The following DNAH9 variants were observed in gnomAD, a reference collection of about 807,000 sequenced individuals.
DNAH9 encodes the protein DNAH9 variant protein.
A neutral mutation model predicts 471.6 loss-of-function variants in DNAH9; 345 were observed. The observed-to-expected ratio is 0.73, with a 90% CI of 0.67 to 0.80. DNAH9 has a LOEUF of 0.80. Among genes scored for constraint, DNAH9 ranks in the 30% least tolerant of loss-of-function variants. DNAH9 has a pLI of 0.00. For synonymous variants in DNAH9, 2,093 were observed against 2,123.6 expected, an observed-to-expected ratio of 0.99 and a Z score of 0.40; for missense variants, 5,407 against 5,609.2, an observed-to-expected ratio of 0.96 and a Z score of 1.15.
chr17:11,959,506 T>C (rs2151449634), intron 67 of DNAH9, among the ~76,000 whole-genome samples: 1 of 152,306 alleles, frequency 6.6e-6, no homozygotes, highest in South Asian at 2.1e-4. Context: ...TGATTTGGGC[T>C]CAGAGATATA....
chr17:11,808,420 A>C (rs1035162413), intron 44 of DNAH9, among the ~76,000 whole-genome samples: 2 of 152,142 alleles, frequency 1.3e-5, no homozygotes, highest in African/African-American at 2.4e-5. Context: ...TGTTTTATCC[A>C]TGGCCACAAC....
At chr17:11,643,531 G>A (rs1452236187) in intron 10 of DNAH9, among the ~76,000 whole-genome samples, 2 of 152,204 alleles carry the variant, frequency 1.3e-5, no homozygotes, top group African/African-American at 2.4e-5. Flanking sequence ...ATGGGGTTAT[G>A]TTCTGAGAAA....
At chr17:11,668,253 T>C (rs1044619676) in intron 15 of DNAH9, among the ~76,000 whole-genome samples, 1 of 152,238 alleles carries the variant, frequency 6.6e-6, no homozygotes, top group Non-Finnish European at 1.5e-5. Flanking sequence ...TTTCTCTTTG[T>C]GGTTCATGTC....
intron 41 of DNAH9, among the ~76,000 whole-genome samples, chr17:11,792,993 C>T (rs889308872): frequency 6.6e-6 from 1 of 152,178 alleles, no homozygotes; most frequent in Non-Finnish European, 1.5e-5. Context: ...CCAATGCTGG[C>T]TTCAATAGCA....
chr17:11,636,871 G>A (rs1243613579), intron 9 of DNAH9, 87 bp downstream of exon 9: 2 of 1,233,434 alleles, frequency 1.6e-6, no homozygotes, highest in Non-Finnish European at 2.4e-6. Flanking sequence ...AAATGTCCAT[G>A]TATGGATCCA....
rs1597783157 is a variant in DNAH9 at position 11,880,333 on chromosome 17, A to G, written c.10601+133A>G. ...TCAAGTAGCTCCCTGCAGCACATCC[A>G]CCTTTCTTTCTTCCAGCAGAGGTCT... On this transcript the variant is annotated intron_variant, in intron 54 of 68. Coordinates refer to ENST00000262442, the MANE Select transcript of DNAH9 (RefSeq NM_001372.4). 5 of 1,150,136 alleles carry G rather than the reference A, an allele frequency of 4.3e-6. No homozygotes were observed. The East Asian group carries it at 1.3e-4, about 29-fold the overall frequency. 71.2% of individuals were successfully genotyped at this position (1,150,136 alleles called of 1,614,324 possible).
intron 1 of DNAH9, among the ~76,000 whole-genome samples, chr17:11,600,921 C>T (rs1192990004): frequency 1.3e-5 from 2 of 152,192 alleles, no homozygotes; most frequent in East Asian, 1.9e-4. Context: ...AGAACTGCCC[C>T]GTCCAGCATC....
Position 11,816,845 on chromosome 17 carries a change from T to C in DNAH9, c.8708-5075T>C, listed in dbSNP as rs142039123. On this transcript the variant is annotated intron_variant, in intron 45 of 68. Transcript: ENST00000262442. ...AGTACTGCATGAAGCCTGAAAGTAC[T>C]TGGAGTTACAAATAGTGTTTCCCAA... 4.8e-3 allele frequency among the ~76,000 whole-genome samples: 727 copies of C among 152,278 alleles called. 7 individuals carry two copies. The highest frequency in any genetic ancestry group is 5.9e-3 in the Non-Finnish European group (399 of 68,010).
At chr17:11,907,115 T>C (rs1269754321) in intron 61 of DNAH9, among the ~76,000 whole-genome samples, 3 of 152,180 alleles carry the variant, frequency 2.0e-5, no homozygotes, top group Admixed American at 1.3e-4. Flanking sequence ...TTTCATGCAG[T>C]GAAGCCTCCA....
intron 28 of DNAH9, among the ~76,000 whole-genome samples, chr17:11,730,679 G>A (rs147050628): frequency 6.6e-5 from 10 of 152,224 alleles, no homozygotes; most frequent in South Asian, 4.2e-4. Context: ...TATCTCTAAA[G>A]CACTGTTTTT....
chr17:11,671,876 AC>A (rs2073978220), intron 17 of DNAH9, among the ~76,000 whole-genome samples: 1 of 152,156 alleles, frequency 6.6e-6, no homozygotes, highest in South Asian at 2.1e-4. Flanking sequence ...AGGAGGCCTG[AC>A]TTTTGTGTCC....
intron 28 of DNAH9, among the ~76,000 whole-genome samples, chr17:11,729,238 A>C (rs1403011229): frequency 6.6e-6 from 1 of 152,070 alleles, no homozygotes; most frequent in African/African-American, 2.4e-5. Flanking sequence ...CCCCATCTCC[A>C]AGATAAAGCA....
At chr17:11,955,614 A>G (rs1208781163) in intron 67 of DNAH9, among the ~76,000 whole-genome samples, 1 of 152,226 alleles carries the variant, frequency 6.6e-6, no homozygotes, top group East Asian at 1.9e-4. Context: ...ACATATGGCT[A>G]AAATTTGTTA....
intron 26 of DNAH9, among the ~76,000 whole-genome samples, chr17:11,718,203 G>T (rs1467017570): frequency 6.6e-6 from 1 of 152,184 alleles, no homozygotes; most frequent in African/African-American, 2.4e-5. Flanking sequence ...CCCGTATCTG[G>T]CTTCTTTCAC....
intron 14 of DNAH9, among the ~76,000 whole-genome samples, chr17:11,655,354 GTGTGTGTGT>G (rs2073618689): frequency 0.057 from 65 of 1,132 alleles, no homozygotes; most frequent in Non-Finnish European, 0.24. Flanking sequence ...ATTCCATGGT[GTGTGTGTGT>G]GTGTGTGTGT....
At chr17:11,963,658 A>C (rs1976439701) in intron 68 of DNAH9, among the ~76,000 whole-genome samples, 1 of 145,694 alleles carries the variant, frequency 6.9e-6, no homozygotes, top group Non-Finnish European at 1.5e-5. Flanking sequence ...TAAGAGTTGA[A>C]ATTTTTTTTA....
rs1179528726 is a variant in DNAH9, at chr17:11,623,682, C to T, written c.1350+3901C>T. Among the ~76,000 whole-genome samples the T allele has an allele frequency of 6.6e-6, 1 of 152,118 alleles. No individual in the cohort carries two copies. Among genetic ancestry groups the T allele is most frequent in the Non-Finnish European group, 1.5e-5 (1 of 68,020 alleles). ...TGAAATGGGATTAATCTGCTCCTCTCCAGTAAGAATTATCATGAACTTAGC... is the reference window on the plus strand; with the variant it reads ...TGAAATGGGATTAATCTGCTCCTCTTCAGTAAGAATTATCATGAACTTAGC... On this transcript the variant is annotated intron_variant, in intron 6 of 68. Transcript: ENST00000262442. This position sits in a 1 kb window ranked among gnomAD's most constrained non-coding sequence, Gnocchi z 4.1.
intron 17 of DNAH9, among the ~76,000 whole-genome samples, chr17:11,671,803 C>T (rs1415587297): frequency 6.6e-6 from 1 of 152,174 alleles, no homozygotes; most frequent in Non-Finnish European, 1.5e-5. Context: ...TAGGCATCAA[C>T]CAGGCAGGCT....
chr17:11,852,195 A>T (rs527598239), intron 49 of DNAH9, among the ~76,000 whole-genome samples: 1 of 152,324 alleles, frequency 6.6e-6, no homozygotes, highest in East Asian at 1.9e-4. Context: ...AGCACCTCAA[A>T]TTAATTTGGC....
Sources: allele counts gnomAD v4.1 joint callset (sites outside exome capture counted in the v4.1 genomes callset), GRCh38; gene constraint gnomAD v4.1.1; non-coding constraint Gnocchi (gnomAD v3.1); transcripts MANE v1.5; gene names NCBI Gene and HGNC (gene_info 2026-07-23, HGNC 2026-07-21).